The following ZCCHC9 variants were observed in gnomAD, a reference collection of about 807,000 sequenced individuals.
ZCCHC9 encodes the protein zinc finger CCHC-type containing 9.
ZCCHC9 carries 18 observed loss-of-function variants against 30.8 expected under a neutral mutation model. That is an observed-to-expected ratio of 0.58 (90% confidence interval 0.40 to 0.87). The LOEUF (loss-of-function observed/expected upper bound fraction) is 0.87, where lower values mean the gene tolerates loss of function less well. ZCCHC9 is among the 40% of genes least tolerant of loss of function. ZCCHC9 has a pLI of 0.00. For synonymous variants in ZCCHC9, 94 were observed against 106.7 expected, an observed-to-expected ratio of 0.88 and a Z score of 0.73; for missense variants, 279 against 331.2, an observed-to-expected ratio of 0.84 and a Z score of 1.22.
intron 2 of ZCCHC9, among the ~76,000 whole-genome samples, chr5:81,307,651 AAAAAC>A (rs1309857145): frequency 3.3e-5 from 5 of 150,620 alleles, no homozygotes; most frequent in African/African-American, 7.3e-5. Context: ...TTCTGTCTCA[AAAAAC>A]AAAAAAGTAT....
chr5:81,305,631 AC>A (rs1278160488), intron 2 of ZCCHC9, among the ~76,000 whole-genome samples: 1 of 150,710 alleles, frequency 6.6e-6, no homozygotes, highest in Admixed American at 6.6e-5. Context: ...GTGTGGTGGT[AC>A]ACACCTGTGA....
chr5:81,305,286 AGCACATATATGCTAG>A, intron 2 of ZCCHC9, 145 bp downstream of exon 2: 3 of 1,098,176 alleles, frequency 2.7e-6, no homozygotes, highest in Admixed American at 3.2e-5. Flanking sequence ...GTACTTTTTT[AGCACATATATGCTAG>A]GCACATGATG....
chr5:81,307,603 A>G (rs1292786625), intron 2 of ZCCHC9, among the ~76,000 whole-genome samples: 1 of 152,018 alleles, frequency 6.6e-6, no homozygotes, highest in Non-Finnish European at 1.5e-5. Context: ...CAGTGAGCCG[A>G]GATCACGCCA....
intron 3 of ZCCHC9, 51 bp downstream of exon 3, chr5:81,308,762 T>A: frequency 6.4e-7 from 1 of 1,570,524 alleles, no homozygotes; most frequent in Non-Finnish European, 8.6e-7. Flanking sequence ...AGCCAATAAA[T>A]AGCACCTTGG....
chr5:81,311,960 T>A (rs1203753993), intron 5 of ZCCHC9, among the ~76,000 whole-genome samples: 1 of 152,196 alleles, frequency 6.6e-6, no homozygotes, highest in Non-Finnish European at 1.5e-5. Context: ...TTATTTCACG[T>A]AGTCACAACA....
At chr5:81,311,422 T>G in intron 5 of ZCCHC9, 143 bp downstream of exon 5, 5 of 883,758 alleles carry the variant, frequency 5.7e-6, no homozygotes, top group Non-Finnish European at 9.0e-6. Context: ...ACTTAATCTC[T>G]GTCAGCAATA....
intron 2 of ZCCHC9, chr5:81,308,259 A>G (rs1222357329): frequency 4.9e-6 from 1 of 204,664 alleles, no homozygotes; most frequent in East Asian, 1.1e-4. Flanking sequence ...CAGTTAATAA[A>G]ATGAATAGTC....
intron 4 of ZCCHC9, 70 bp downstream of exon 4, chr5:81,309,108 A>G: frequency 1.7e-6 from 2 of 1,145,550 alleles, no homozygotes; most frequent in Admixed American, 2.5e-5. Flanking sequence ...TTTACACTCA[A>G]TCACAGTTCT....
rs1391966289 is a variant in ZCCHC9 at position 81,312,716 on chromosome 5, C to A, written c.*54C>A. On this transcript the variant is annotated 3_prime_UTR_variant, in exon 6 of 6. Transcript: ENST00000407610. Reference sequence around the variant, plus strand: ...CCTCATTGTTACTTTCTAAACCAGGCCCGCTTCACGAGTTAGAGTTGAGCT... The same window carrying A: ...CCTCATTGTTACTTTCTAAACCAGGACCGCTTCACGAGTTAGAGTTGAGCT... 8.2e-6 allele frequency: 11 copies of A among 1,348,522 alleles called. No homozygotes were observed. In the East Asian group the frequency reaches 2.3e-4, roughly 28 times the overall value. 83.5% of individuals were successfully genotyped at this position (1,348,522 alleles called of 1,614,324 possible). A position where few individuals can be genotyped will look rare whatever the true frequency, so the allele number is the denominator to read the frequency against.
intron 5 of ZCCHC9, among the ~76,000 whole-genome samples, chr5:81,311,914 G>A (rs1389217376): frequency 6.6e-6 from 1 of 151,704 alleles, no homozygotes; most frequent in East Asian, 1.9e-4. Flanking sequence ...CAGTAGGATA[G>A]CCCAGCAGTG....
intron 4 of ZCCHC9, among the ~76,000 whole-genome samples, chr5:81,310,474 G>A (rs1758244550): frequency 6.6e-6 from 1 of 151,780 alleles, no homozygotes; most frequent in Admixed American, 6.6e-5. Context: ...TCAAGATTTG[G>A]GGGAAAAAAA....
Position 81,304,941 on chromosome 5 carries a change from A to G in ZCCHC9, c.184A>G (p.Lys62Glu), listed in dbSNP as rs1758047868. Residue 62 changes from lysine (K) to glutamate (E), a missense_variant, in exon 2 of 6, where the codon AAA (lysine) becomes GAA (glutamate). Coordinates refer to ENST00000407610, the MANE Select transcript of ZCCHC9 (RefSeq NM_001131035.2). ...ACCCCAAGCAAAACATAAAAAGAAC[A>G]AAAAGAAAAAAGAGTACTTAAATGA... ...DAPQAKHKKN[K>E]KKKEYLNEDV... The G allele has an allele frequency of 6.2e-7, 1 of 1,613,706 alleles. No homozygotes were observed.
chr5:81,309,740 A>G (rs182940871), intron 4 of ZCCHC9, among the ~76,000 whole-genome samples: 3 of 152,344 alleles, frequency 2.0e-5, no homozygotes, highest in Non-Finnish European at 4.4e-5. Flanking sequence ...GCTTTGGCCA[A>G]CTACCAAACT....
rs1356515025 is a variant in ZCCHC9, at chr5:81,311,228, T to A, written c.646T>A (p.Cys216Ser). 1.2e-6 allele frequency: 2 copies of A among 1,614,140 alleles called. No homozygotes were observed. The highest frequency in any genetic ancestry group is 3.3e-5 in the Admixed American group (2 of 60,022). The part of the protein sequence containing the change: ...LYADGGGCKL[C>S]GSVEHLKKDC... ...TTCAATAGGTGGCGGTTGCAAACTT[T>A]GTGGCTCTGTGGAACATTTAAAGAA... The change falls in exon 5 of 6, where the codon TGT (cysteine) becomes AGT (serine). Residue 216 changes from cysteine (C) to serine (S), a missense_variant. Coordinates refer to ENST00000407610, the MANE Select transcript of ZCCHC9 (RefSeq NM_001131035.2).
chr5:81,311,351 T>C (rs1254500503), intron 5 of ZCCHC9, 72 bp downstream of exon 5: 2 of 1,450,790 alleles, frequency 1.4e-6, no homozygotes, highest in Non-Finnish European at 1.9e-6. Context: ...GCACTTGTTA[T>C]TAATAACTCA....
intron 5 of ZCCHC9, 87 bp from the exon 6 acceptor site, chr5:81,312,457 G>T: frequency 1.0e-6 from 1 of 988,406 alleles, no homozygotes; most frequent in East Asian, 2.4e-5. Context: ...ATATCAAAAT[G>T]AGTTCCTTTC....
At chr5:81,310,792 T>C (rs1758257528) in intron 4 of ZCCHC9, among the ~76,000 whole-genome samples, 1 of 152,246 alleles carries the variant, frequency 6.6e-6, no homozygotes, top group South Asian at 2.1e-4. Flanking sequence ...GTTTCTAATC[T>C]GTTTTTGGGC....
chr5:81,302,995 CCT>C (rs1491573355), intron 1 of ZCCHC9: 1 of 127,988 alleles, frequency 7.8e-6, no homozygotes, highest in Non-Finnish European at 1.6e-5. Flanking sequence ...AACTCCTTGA[CCT>C]TTTTTTTTTT....
At position 81,304,881 on chromosome 5, in the gene ZCCHC9, C is replaced by G; in HGVS notation, c.124C>G (p.Leu42Val). The G allele has an allele frequency of 6.2e-7, 1 of 1,614,132 alleles. No individual in the cohort carries two copies. The highest frequency in any genetic ancestry group is 8.5e-7 in the Non-Finnish European group (1 of 1,180,026). ...CCAAAACCTACCAAAGCGTAAACAA[C>G]TTGAAGCCAATAGGCTATCCCTCAA... ...TSQNLPKRKQ[L>V]EANRLSLKND... Residue 42 changes from leucine (L) to valine (V), a missense_variant, in exon 2 of 6, where the codon CTT becomes GTT. Transcript: ENST00000407610.
Sources: gnomAD v4.1 joint callset for allele counts (sites outside exome capture counted in the v4.1 genomes callset) on GRCh38, gnomAD v4.1.1 for gene constraint, MANE v1.5 for transcripts, NCBI Gene and HGNC (gene_info 2026-07-23, HGNC 2026-07-21) for gene names.